The following DAD1 variants were observed in gnomAD, a reference collection of about 807,000 sequenced individuals.
The protein encoded by DAD1 is defender against cell death 1, also known as dolichyl-diphosphooligosaccharide--protein glycosyltransferase subunit DAD1.
DAD1 carries 4 observed loss-of-function variants against 9.0 expected under a neutral mutation model. The ratio of observed to expected loss-of-function variants is 0.44; its 90% CI spans 0.22 to 1.01. The LOEUF is 1.01. Ranked by LOEUF, DAD1 falls within the 50% of genes least tolerant of loss-of-function variation. DAD1 has a pLI of 0.24. For missense variants in DAD1, 119 were observed against 137.3 expected (o/e 0.87, Z 0.67); for synonymous variants, 60 against 62.5 (o/e 0.96, Z 0.19).
intron 1 of DAD1, 110 bp downstream of exon 1, chr14:22,588,837 G>T: frequency 9.1e-7 from 1 of 1,100,950 alleles, no homozygotes; most frequent in Non-Finnish European, 1.3e-6. Flanking sequence ...GGGCAATGCA[G>T]GCTCTTCTCA....
intron 2 of DAD1, among the ~76,000 whole-genome samples, chr14:22,569,408 G>C (rs946612223): frequency 6.7e-6 from 1 of 150,092 alleles, no homozygotes; most frequent in Non-Finnish European, 1.5e-5. Flanking sequence ...ACTACAGCCT[G>C]GACAACAAAG....
rs34659715 is a variant in DAD1, at chr14:22,571,025, T to TAAAAAA, written c.*44+4028_*44+4033dup. 5.9e-3 allele frequency among the ~76,000 whole-genome samples: 887 copies of TAAAAAA among 149,234 alleles called. 7 individuals are homozygous for TAAAAAA. The highest frequency in any genetic ancestry group is 0.019 in the African/African-American group (771 of 40,492). ...GGACTGAGATTTTTTTTTTTTTTTT[T>TAAAAAA]AAAAAAGAGTTTCACAGGCCAGGTG... On this transcript the variant is annotated intron_variant, in intron 2 of 2. Coordinates refer to ENST00000250498, the MANE Select transcript of DAD1 (RefSeq NM_001344.4).
intron 1 of DAD1, among the ~76,000 whole-genome samples, chr14:22,579,519 G>A (rs948074805): frequency 6.6e-6 from 1 of 152,166 alleles, no homozygotes; most frequent in African/African-American, 2.4e-5. Context: ...GACAATGACT[G>A]AAGCAAGGGT....
rs766103792 is a variant in DAD1 at position 22,575,083 on chromosome 14, A to G, written c.*20T>C. On this transcript the variant is annotated 3_prime_UTR_variant, in exon 2 of 3. Coordinates refer to ENST00000250498, the MANE Select transcript of DAD1 (RefSeq NM_001344.4). ...CATTCTTTTAGTCTCCTACTCCTCA[A>G]TTAAGTAAATGAGAATGATTCAGCC... 6.2e-7 allele frequency: 1 copy of G among 1,612,774 alleles called. No homozygotes were observed. The highest frequency in any genetic ancestry group is 8.5e-7 in the Non-Finnish European group (1 of 1,179,076).
chr14:22,568,392 T>C (rs752434207), intron 2 of DAD1, among the ~76,000 whole-genome samples: 13 of 152,258 alleles, frequency 8.5e-5, no homozygotes, highest in Non-Finnish European at 1.6e-4. Flanking sequence ...CTTGTTATAA[T>C]CATTTAACTT....
intron 2 of DAD1, among the ~76,000 whole-genome samples, chr14:22,574,775 G>A (rs976595482): frequency 4.0e-5 from 6 of 149,176 alleles, no homozygotes; most frequent in Admixed American, 6.6e-5. Flanking sequence ...CAAAATCTCC[G>A]AGTTATTTTC....
chr14:22,586,036 C>T (rs1418353889), intron 1 of DAD1, among the ~76,000 whole-genome samples: 1 of 152,066 alleles, frequency 6.6e-6, no homozygotes, highest in Non-Finnish European at 1.5e-5. Flanking sequence ...GAAACCCTGT[C>T]TCCACTAAAA....
At chr14:22,588,651 G>C (rs532404572) in intron 1 of DAD1, among the ~76,000 whole-genome samples, 6 of 152,328 alleles carry the variant, frequency 3.9e-5, no homozygotes, top group African/African-American at 1.4e-4. Flanking sequence ...TTAAACCTAA[G>C]TTAAAGTTGG....
intron 1 of DAD1, among the ~76,000 whole-genome samples, chr14:22,580,665 C>G (rs141947731): frequency 3.3e-5 from 5 of 152,110 alleles, no homozygotes; most frequent in Non-Finnish European, 7.4e-5. Context: ...CAGATTATTT[C>G]AATGAAAACA....
chr14:22,571,957 T>A (rs1360619687), intron 2 of DAD1, among the ~76,000 whole-genome samples: 1 of 152,140 alleles, frequency 6.6e-6, no homozygotes, highest in African/African-American at 2.4e-5. Flanking sequence ...TCAACTTCAG[T>A]TCCTCATCTG....
intron 2 of DAD1, among the ~76,000 whole-genome samples, chr14:22,569,062 T>G (rs1442866628): frequency 1.3e-5 from 2 of 152,242 alleles, no homozygotes; most frequent in Non-Finnish European, 2.9e-5. Context: ...ATCTTTGCCT[T>G]GGCTTTTTTT....
intron 2 of DAD1, among the ~76,000 whole-genome samples, chr14:22,572,293 G>A (rs1257135171): frequency 6.6e-6 from 1 of 152,038 alleles, no homozygotes; most frequent in Non-Finnish European, 1.5e-5. Flanking sequence ...TATAAATATT[G>A]AGAATTTACT....
chr14:22,586,452 G>A (rs947614862), intron 1 of DAD1, among the ~76,000 whole-genome samples: 2 of 152,166 alleles, frequency 1.3e-5, no homozygotes, highest in African/African-American at 4.8e-5. Context: ...GGCTGAGGCA[G>A]GAGAATTGCT....
intron 1 of DAD1, among the ~76,000 whole-genome samples, chr14:22,576,339 C>G (rs2037077701): frequency 6.6e-6 from 1 of 152,152 alleles, no homozygotes; most frequent in South Asian, 2.1e-4. Context: ...TTCAACCAAA[C>G]TGACAAAACC....
intron 1 of DAD1, among the ~76,000 whole-genome samples, chr14:22,583,900 A>G (rs912191652): frequency 1.3e-5 from 2 of 152,094 alleles, no homozygotes; most frequent in Admixed American, 1.3e-4. Context: ...GTGAAAAAAT[A>G]AAAGCAAGAT....
chr14:22,581,591 A>C (rs1243216811), intron 1 of DAD1, among the ~76,000 whole-genome samples: 6 of 151,582 alleles, frequency 4.0e-5, no homozygotes, highest in Admixed American at 3.9e-4. Flanking sequence ...AAAATACAAA[A>C]AATTAGCCAG....
At position 22,576,277 on chromosome 14, in the gene DAD1, C is replaced by T. The variant is rs5742792; in HGVS notation, c.212-1044G>A. Among the ~76,000 whole-genome samples the T allele has an allele frequency of 5.9e-3, 899 of 151,214 alleles. 3 individuals carry two copies. Among genetic ancestry groups the T allele is most frequent in the Middle Eastern group, 0.017 (5 of 294 alleles). On this transcript the variant is annotated intron_variant, in intron 1 of 2. Transcript: ENST00000250498. Reference sequence around the variant, plus strand: ...GTTAAAAAATGAATCAATTTAATTGCTTTGTTTTTTAAGAAACACACAAAA... The same window carrying T: ...GTTAAAAAATGAATCAATTTAATTGTTTTGTTTTTTAAGAAACACACAAAA...
intron 1 of DAD1, among the ~76,000 whole-genome samples, chr14:22,578,294 G>A (rs1219911648): frequency 3.3e-5 from 5 of 152,014 alleles, no homozygotes; most frequent in Non-Finnish European, 5.9e-5. Context: ...GCCAGGCACG[G>A]TGGCTCACTC....
chr14:22,574,343 T>C (rs1157009909), intron 2 of DAD1, among the ~76,000 whole-genome samples: 1 of 152,066 alleles, frequency 6.6e-6, no homozygotes, highest in Non-Finnish European at 1.5e-5. Context: ...GAGGGAGCGA[T>C]TTAGGGGAGG....
Sources: allele counts gnomAD v4.1 joint callset (sites outside exome capture counted in the v4.1 genomes callset), GRCh38; gene constraint gnomAD v4.1.1; transcripts MANE v1.5; gene names NCBI Gene and HGNC (gene_info 2026-07-23, HGNC 2026-07-21).